The following LRRC4C variants were observed in gnomAD, a reference collection of about 807,000 sequenced individuals.
The protein encoded by LRRC4C is leucine-rich repeat-containing protein 4C.
LRRC4C carries 5 observed loss-of-function variants against 33.6 expected under a neutral mutation model. The ratio of observed to expected loss-of-function variants is 0.15; its 90% confidence interval spans 0.08 to 0.31. The LOEUF is 0.31. Among genes scored for constraint, LRRC4C ranks in the 10% least tolerant of loss-of-function variants. LRRC4C has a pLI of 1.00. For synonymous variants in LRRC4C, 329 were observed against 302.0 expected (o/e 1.09, Z -0.93); for missense variants, 560 against 796.7 (o/e 0.70, Z 3.58).
At chr11:40,167,818 G>T (rs1382880383) in intron 5 of LRRC4C, among the ~76,000 whole-genome samples, 1 of 152,152 alleles carries the variant, frequency 6.6e-6, no homozygotes, top group Admixed American at 6.5e-5. Flanking sequence ...GCCGAGGCAG[G>T]TGGATCACCT....
chr11:40,358,116 G>A (rs1186668880), intron 3 of LRRC4C, among the ~76,000 whole-genome samples: 1 of 152,108 alleles, frequency 6.6e-6, no homozygotes, highest in Non-Finnish European at 1.5e-5. Context: ...CCGGGAGGCA[G>A]AGCTTGCAGT....
intron 1 of LRRC4C, among the ~76,000 whole-genome samples, chr11:41,377,518 A>G (rs1219874848): frequency 1.3e-5 from 2 of 152,170 alleles, no homozygotes; most frequent in African/African-American, 2.4e-5. Context: ...TAACCGATAG[A>G]TATTTGAGGT....
intron 2 of LRRC4C, among the ~76,000 whole-genome samples, chr11:40,807,978 A>G (rs1006136105): frequency 3.3e-5 from 5 of 152,160 alleles, no homozygotes; most frequent in Admixed American, 3.3e-4. Flanking sequence ...TCTGGATCTG[A>G]ACCCTCTTTC....
chr11:40,743,586 C>A (rs1344667363), intron 2 of LRRC4C, among the ~76,000 whole-genome samples: 1 of 152,070 alleles, frequency 6.6e-6, no homozygotes, highest in Non-Finnish European at 1.5e-5. Flanking sequence ...CTAACATATT[C>A]ACAGGTTCTG....
At chr11:40,174,728 A>T (rs181497485) in intron 5 of LRRC4C, among the ~76,000 whole-genome samples, 1 of 152,360 alleles carries the variant, frequency 6.6e-6, no homozygotes, top group East Asian at 1.9e-4. Flanking sequence ...AAGACAAAGA[A>T]AAAAGTGCAA....
intron 2 of LRRC4C, among the ~76,000 whole-genome samples, chr11:40,890,680 AC>A: frequency 6.6e-6 from 1 of 152,250 alleles, no homozygotes; most frequent in Middle Eastern, 3.4e-3. Flanking sequence ...GAGAGAAAAT[AC>A]AGAATGGGAT....
chr11:40,572,075 G>A (rs960273354), intron 3 of LRRC4C, among the ~76,000 whole-genome samples: 25 of 151,986 alleles, frequency 1.6e-4, no homozygotes, highest in Non-Finnish European at 2.2e-4. Context: ...AATGACTATC[G>A]GTCCTACATT....
At position 40,548,149 on chromosome 11, in the gene LRRC4C, C is replaced by T. The variant is rs78020404; in HGVS notation, c.-270+99993G>A. On this transcript the variant is annotated intron_variant, in intron 3 of 6. Coordinates refer to ENST00000528697, the MANE Select transcript of LRRC4C (RefSeq NM_001258419.2). ...AATGGAGTGGCCAGAAAAAAAATCA[C>T]TGAAGAAAATAAAAATCGGAAATAA... Among the ~76,000 whole-genome samples, 779 of 152,102 alleles carry T rather than the reference C, an allele frequency of 5.1e-3. 5 individuals are homozygous for T. The highest frequency in any genetic ancestry group is 0.018 in the African/African-American group (754 of 41,532).
chr11:40,523,248 T>C (rs1323507927), intron 3 of LRRC4C, among the ~76,000 whole-genome samples: 2 of 152,150 alleles, frequency 1.3e-5, no homozygotes, highest in Non-Finnish European at 2.9e-5. Context: ...TAGTATCTCA[T>C]TGTGGATTTG....
intron 3 of LRRC4C, among the ~76,000 whole-genome samples, chr11:40,592,103 G>A (rs1243941082): frequency 3.3e-5 from 5 of 152,188 alleles, no homozygotes; most frequent in African/African-American, 1.2e-4. Context: ...CAGCTTTGCT[G>A]GATGAAAGTA....
At chr11:40,945,192 G>A (rs1449817254) in intron 1 of LRRC4C, among the ~76,000 whole-genome samples, 1 of 136,504 alleles carries the variant, frequency 7.3e-6, no homozygotes, top group Non-Finnish European at 1.6e-5. Context: ...ACCACGCCCG[G>A]CTAATTTTTT....
intron 2 of LRRC4C, among the ~76,000 whole-genome samples, chr11:40,804,868 G>T (rs1486549833): frequency 6.6e-6 from 1 of 152,064 alleles, no homozygotes; most frequent in African/African-American, 2.4e-5. Flanking sequence ...CAAAAGAAAT[G>T]CTTAAAGTAA....
chr11:41,136,846 T>C (rs1943284767), intron 1 of LRRC4C, among the ~76,000 whole-genome samples: 1 of 152,210 alleles, frequency 6.6e-6, no homozygotes, highest in Non-Finnish European at 1.5e-5. Flanking sequence ...GCTGCTTCAA[T>C]ACCAACTCCC....
chr11:40,206,138 T>A (rs1010539050), intron 5 of LRRC4C, among the ~76,000 whole-genome samples: 3 of 152,164 alleles, frequency 2.0e-5, no homozygotes, highest in African/African-American at 7.2e-5. Flanking sequence ...ATCATATATC[T>A]CAATAAATAT....
intron 1 of LRRC4C, among the ~76,000 whole-genome samples, chr11:41,313,830 A>G (rs1225568642): frequency 2.0e-5 from 3 of 152,184 alleles, no homozygotes; most frequent in African/African-American, 4.8e-5. Flanking sequence ...GCCTGCATAT[A>G]AAAGGAAGGT....
chr11:40,481,435 A>G (rs1362636896), intron 3 of LRRC4C, among the ~76,000 whole-genome samples: 1 of 152,176 alleles, frequency 6.6e-6, no homozygotes, highest in Non-Finnish European at 1.5e-5. Flanking sequence ...TCAGTGCTTA[A>G]CATACATACT....
At chr11:41,219,603 T>A (rs1357142090) in intron 1 of LRRC4C, among the ~76,000 whole-genome samples, 1 of 152,136 alleles carries the variant, frequency 6.6e-6, no homozygotes, top group Non-Finnish European at 1.5e-5. Context: ...GCTATGGCAC[T>A]TTTTCTTTTT....
In LRRC4C at chr11:40,429,359, C is replaced by A. The variant is rs574357701; in HGVS notation, c.-269-109638G>T. Among the ~76,000 whole-genome samples, 30 of 152,300 alleles carry A rather than the reference C, an allele frequency of 2.0e-4. 1 individual carries two copies. In the South Asian group the frequency reaches 5.4e-3, roughly 27 times the overall value. On this transcript the variant is annotated intron_variant, in intron 3 of 6. Coordinates refer to ENST00000528697, the MANE Select transcript of LRRC4C (RefSeq NM_001258419.2). ...AAAATGCTAGGATTACAGGCTTGAG[C>A]CACTGCGCCTGGCCCTGATGAACTG...
chr11:40,454,073 A>G (rs1410489045), intron 3 of LRRC4C, among the ~76,000 whole-genome samples: 1 of 152,124 alleles, frequency 6.6e-6, no homozygotes, highest in African/African-American at 2.4e-5. Context: ...TGCATCTTCT[A>G]TCTTTAACAC....
Sources: allele counts gnomAD v4.1 joint callset (sites outside exome capture counted in the v4.1 genomes callset), GRCh38; gene constraint gnomAD v4.1.1; transcripts MANE v1.5; gene names NCBI Gene and HGNC (gene_info 2026-07-23, HGNC 2026-07-21).